Variants in SERPINA1 observed in about 807,000 individuals in gnomAD.
The protein encoded by SERPINA1 is serpin family A member 1.
Under a neutral mutation model 25.4 loss-of-function variants are expected in SERPINA1, and 21 were observed. That is an observed-to-expected ratio of 0.83 (90% CI 0.59 to 1.19). The LOEUF is 1.19. Ranked by LOEUF, SERPINA1 falls within the 50% of genes most tolerant of loss-of-function variation. SERPINA1 has a pLI of 0.00. For synonymous variants in SERPINA1, 218 were observed against 211.1 expected (o/e 1.03, Z -0.29); for missense variants, 546 against 509.0 (o/e 1.07, Z -0.70).
chr14:94,382,667 CT>C lies in SERPINA1; in HGVS notation c.570del (p.Ile193LeufsTer17). The C allele has an allele frequency of 6.2e-7, 1 of 1,614,240 alleles. No homozygotes were observed. Among genetic ancestry groups the C allele is most frequent in the Non-Finnish European group, 8.5e-7 (1 of 1,180,054 alleles). ...QINDYVEKGT[Q>X]GKIVDLVKEL... ...TCCTTGACCAAATCCACAATTTTCCCTTGAGTACCCTTCTCCACGTAATCGT... is the reference window on the plus strand; with the variant it reads ...TCCTTGACCAAATCCACAATTTTCCCTGAGTACCCTTCTCCACGTAATCGT... On this transcript the variant is annotated frameshift_variant, in exon 2 of 5. Transcript: ENST00000393087. LOFTEE classifies it high-confidence loss of function.
chr14:94,390,079 C>G (rs1194268631), upstream of SERPINA1: 4 of 152,252 alleles, frequency 2.6e-5, no homozygotes, highest in Admixed American at 2.6e-4. Context: ...GTGGGCCACA[C>G]TTGAAGAGCT....
At chr14:94,387,302 G>C (rs886081917) in intron 1 of SERPINA1, among the ~76,000 whole-genome samples, 8 of 152,222 alleles carry the variant, frequency 5.3e-5, no homozygotes, top group Admixed American at 2.6e-4. Flanking sequence ...TTGTCATAGA[G>C]CTATTGTGAA....
At chr14:94,386,825 C>A (rs1897318255) in intron 1 of SERPINA1, among the ~76,000 whole-genome samples, 1 of 152,208 alleles carries the variant, frequency 6.6e-6, no homozygotes, top group Admixed American at 6.5e-5. Context: ...CAAACATCAG[C>A]CTCAGCGTCA....
chr14:94,382,958 C>A lies in SERPINA1; in HGVS notation c.280G>T (p.Ala94Ser). The A allele has an allele frequency of 2.5e-6, 4 of 1,608,878 alleles. No individual in the cohort carries two copies. Among genetic ancestry groups the A allele is most frequent in the Non-Finnish European group, 3.4e-6 (4 of 1,176,094 alleles). ...TCCAGGATTTCATCGTGAGTGTCAG[C>A]CTTGGTCCCCAGGGAGAGCATTGCA... The part of the protein sequence containing the change: ...AFAMLSLGTK[A>S]DTHDEILEGL... The change falls in exon 2 of 5, where the codon GCT (alanine) becomes TCT (serine). Residue 94 changes from alanine to serine, a missense_variant. Physicochemically the swap from Ala to Ser is moderately conservative, Grantham distance 99 (BLOSUM62 1). Coordinates refer to ENST00000393087, the MANE Select transcript of SERPINA1 (RefSeq NM_000295.5).
At position 94,380,901 on chromosome 14, in the gene SERPINA1, A is replaced by C; in HGVS notation, c.887T>G (p.Ile296Ser). 1 of 1,614,180 alleles carries C rather than the reference A, an allele frequency of 6.2e-7. No individual in the cohort carries two copies. The change falls in exon 3 of 5, where the codon ATC becomes AGC. Residue 296 changes from isoleucine to serine, a missense_variant. By Grantham distance (142) the Ile-to-Ser change is moderately radical. Transcript: ENST00000393087. ...GTCTTCATTTTCCAGGAACTTGGTG[A>C]TGATATCGTGGGTGAGTTCATTTTC... is the stretch of plus-strand genomic sequence containing the variant. The part of the protein sequence containing the change: ...HLENELTHDI[I>S]TKFLENEDRR...
rs1896439991 is a variant in SERPINA1 at position 94,377,433 on chromosome 14, A to T, written c.*1016T>A. ...GCCCTCTGAAGACTGCAGGGACAGC[A>T]ACAGGCACAAAGAAGTCAGGCTGCA... On this transcript the variant is annotated 3_prime_UTR_variant, in exon 5 of 5. Coordinates refer to ENST00000393087, the MANE Select transcript of SERPINA1 (RefSeq NM_000295.5). 1 of 152,398 alleles carries T rather than the reference A, an allele frequency of 6.6e-6. No individual in the cohort carries two copies. Among genetic ancestry groups the T allele is most frequent in the Non-Finnish European group, 1.5e-5 (1 of 68,186 alleles). The allele number at this position is 152,398 out of a possible 1,614,324, so 9.4% of individuals were successfully genotyped here. A position where few individuals can be genotyped will look rare whatever the true frequency, so the allele number is the denominator to read the frequency against.
At chr14:94,387,987 C>T (rs1897392022) in intron 1 of SERPINA1, among the ~76,000 whole-genome samples, 1 of 152,068 alleles carries the variant, frequency 6.6e-6, no homozygotes, top group South Asian at 2.1e-4. Context: ...TGGGGAGGCC[C>T]ATTTTGATGT....
At chr14:94,388,184 C>T (rs1015189854) in intron 1 of SERPINA1, among the ~76,000 whole-genome samples, 9 of 152,106 alleles carry the variant, frequency 5.9e-5, no homozygotes, top group African/African-American at 2.2e-4. Flanking sequence ...GAGCCCCCGA[C>T]AGACAGAGGA....
chr14:94,381,116 G>A lies in SERPINA1; in HGVS notation c.672C>T (p.Val224=). ...GGAAGTCCTCTTCCTCGGTGTCCTT[G>A]ACTTCAAAGGGTCTCTCCCATTTGC... is the stretch of plus-strand genomic sequence containing the variant. ...FKGKWERPFE[V]KDTEEEDFHV... Residue 224 remains valine, a synonymous_variant, in exon 3 of 5, where the codon GTC becomes GTT. Coordinates refer to ENST00000393087, the MANE Select transcript of SERPINA1 (RefSeq NM_000295.5). 6.2e-7 allele frequency: 1 copy of A among 1,613,228 alleles called. No individual in the cohort carries two copies. Among genetic ancestry groups the A allele is most frequent in the Non-Finnish European group, 8.5e-7 (1 of 1,179,984 alleles).
In SERPINA1 at chr14:94,378,340, T is replaced by C. The variant is rs1896512254; in HGVS notation, c.*109A>G. 1.1e-6 allele frequency: 1 copy of C among 948,932 alleles called. No individual in the cohort carries two copies. Among genetic ancestry groups the C allele is most frequent in the Admixed American group, 1.9e-5 (1 of 53,124 alleles). The allele number at this position is 948,932 out of a possible 1,614,324, so 58.8% of individuals were successfully genotyped here. On this transcript the variant is annotated 3_prime_UTR_variant, in exon 5 of 5. Coordinates refer to ENST00000393087, the MANE Select transcript of SERPINA1 (RefSeq NM_000295.5). ...GGCAAAGGGAGACTCAGAGAAAACA[T>C]GGGAGGGATTTACAGTCACATGCAG...
chr14:94,376,936 A>G lies in SERPINA1; in HGVS notation c.*1513T>C, dbSNP rs1445500770. The G allele has an allele frequency of 1.3e-5, 2 of 152,010 alleles. No homozygotes were observed. Among genetic ancestry groups the G allele is most frequent in the Non-Finnish European group, 2.9e-5 (2 of 68,014 alleles). 9.4% of individuals were successfully genotyped at this position (152,010 alleles called of 1,614,324 possible). A position where few individuals can be genotyped will look rare whatever the true frequency, so the allele number is the denominator to read the frequency against. On this transcript the variant is annotated 3_prime_UTR_variant, in exon 5 of 5. Transcript: ENST00000393087. ...TCAGAACTTGGATCCAGGTCTTCAG[A>G]CTCTCAGGTCTGGTGTCATCCTAGG...
Position 94,381,011 on chromosome 14 carries a change from C to A in SERPINA1, c.777G>T (p.Leu259=). 6.2e-7 allele frequency: 1 copy of A among 1,614,118 alleles called. No individual in the cohort carries two copies. Among genetic ancestry groups the A allele is most frequent in the Non-Finnish European group, 8.5e-7 (1 of 1,180,034 alleles). Residue 259 remains leucine, a synonymous_variant, in exon 3 of 5, where the codon CTG becomes CTT. Transcript: ENST00000393087. The part of the protein sequence containing the change: ...GMFNIQHCKK[L]SSWVLLMKYL... ...ATTTCATCAGCAGCACCCAGCTGGA[C>A]AGCTTCTTACAGTGCTGGATGTTAA...
intron 2 of SERPINA1, among the ~76,000 whole-genome samples, chr14:94,382,199 G>A (rs562287691): frequency 6.6e-6 from 1 of 152,346 alleles, no homozygotes; most frequent in Admixed American, 6.5e-5. Flanking sequence ...TTTGAACCCA[G>A]GTCTTTCAGA....
intron 1 of SERPINA1, 116 bp from the exon 2 acceptor site, chr14:94,383,357 A>G: frequency 9.2e-7 from 1 of 1,092,806 alleles, no homozygotes; most frequent in East Asian, 2.6e-5. Context: ...GCCTGTGCCA[A>G]GTACTTGCCG....
chr14:94,382,345 G>C (rs1052431713), intron 2 of SERPINA1, among the ~76,000 whole-genome samples: 1 of 152,022 alleles, frequency 6.6e-6, no homozygotes, highest in African/African-American at 2.4e-5. Context: ...GTATACACAA[G>C]GACATTAAAG....
At chr14:94,386,832 G>A (rs78288326) in intron 1 of SERPINA1, among the ~76,000 whole-genome samples, 238 of 152,290 alleles carry the variant, frequency 1.6e-3, no homozygotes, top group East Asian at 8.1e-3. Context: ...CAGCCTCAGC[G>A]TCACCATCAT....
Position 94,377,298 on chromosome 14 carries a change from C to G in SERPINA1, c.*1151G>C, listed in dbSNP as rs1202671952. On this transcript the variant is annotated 3_prime_UTR_variant, in exon 5 of 5. Coordinates refer to ENST00000393087, the MANE Select transcript of SERPINA1 (RefSeq NM_000295.5). ...TTCAGCTAGGGGCCCAGGGGACTTCCTGGCTGCTGTGTCCTTTAGCAGGGC... is the reference window on the plus strand; with the variant it reads ...TTCAGCTAGGGGCCCAGGGGACTTCGTGGCTGCTGTGTCCTTTAGCAGGGC... 1.3e-5 allele frequency: 2 copies of G among 152,210 alleles called. No homozygotes were observed. Among genetic ancestry groups the G allele is most frequent in the Non-Finnish European group, 2.9e-5 (2 of 68,056 alleles). The allele number at this position is 152,210 out of a possible 1,614,324, so 9.4% of individuals were successfully genotyped here.
rs528749500 is a variant in SERPINA1 at position 94,387,587 on chromosome 14, C to T, written c.-5+973G>A. ...CCAAGAGAACAGAGAGGTTGAGCAA[C>T]TGTCTGAAGTCACCGAGCATCAGAG... On this transcript the variant is annotated intron_variant, in intron 1 of 4. Transcript: ENST00000393087. 4.6e-5 allele frequency among the ~76,000 whole-genome samples: 7 copies of T among 152,304 alleles called. No homozygotes were observed. The South Asian group carries it at 1.2e-3, about 27-fold the overall frequency.
intron 1 of SERPINA1, among the ~76,000 whole-genome samples, chr14:94,386,763 A>G (rs1897315360): frequency 1.3e-5 from 2 of 152,152 alleles, no homozygotes; most frequent in Non-Finnish European, 2.9e-5. Context: ...CAAATTTTCC[A>G]TTAAATTATC....
Sources: allele counts gnomAD v4.1 joint callset (sites outside exome capture counted in the v4.1 genomes callset), GRCh38; gene constraint gnomAD v4.1.1; transcripts MANE v1.5; gene names NCBI Gene and HGNC (gene_info 2026-07-23, HGNC 2026-07-21).